FRMD4B: variants seen among roughly 807,000 people sequenced by gnomAD.
The protein encoded by FRMD4B is FERM domain-containing protein 4B.
A neutral mutation model predicts 141.5 loss-of-function variants in FRMD4B; 74 were observed. That is an observed-to-expected ratio of 0.52 (90% confidence interval 0.43 to 0.63). FRMD4B has a LOEUF of 0.63. Among genes scored for constraint, FRMD4B ranks in the 30% least tolerant of loss-of-function variants. The probability of loss-of-function intolerance (pLI) is 0.00; values close to 1 mark genes in which losing one functional copy is unlikely to be tolerated. For missense variants in FRMD4B, 1,366 were observed against 1,253.4 expected (o/e 1.09, Z -1.36); for synonymous variants, 506 against 467.9 (o/e 1.08, Z -1.05).
chr3:69,236,542 T>C (rs1173782700), intron 7 of FRMD4B, among the ~76,000 whole-genome samples: 1 of 152,170 alleles, frequency 6.6e-6, no homozygotes, highest in Non-Finnish European at 1.5e-5. Flanking sequence ...AATTTGGTTT[T>C]TGAAAAACAC....
chr3:69,238,607 A>C (rs1462194494), intron 7 of FRMD4B, among the ~76,000 whole-genome samples: 1 of 152,128 alleles, frequency 6.6e-6, no homozygotes, highest in Non-Finnish European at 1.5e-5. Flanking sequence ...AACACAGTGA[A>C]ATCTCATCTC....
chr3:69,255,768 A>G (rs749568219), intron 5 of FRMD4B, among the ~76,000 whole-genome samples: 6 of 152,128 alleles, frequency 3.9e-5, no homozygotes, highest in Admixed American at 6.6e-5. Flanking sequence ...GAATTAGACC[A>G]AAGGGAAGAA....
At chr3:69,287,681 C>G (rs1455324576) in intron 5 of FRMD4B, 71 bp downstream of exon 5, 1 of 783,934 alleles carries the variant, frequency 1.3e-6, no homozygotes, top group Admixed American at 2.2e-5. Flanking sequence ...AGAAGAGAGG[C>G]AAAACCATTT....
chr3:69,332,413 G>A (rs1702398968), intron 1 of FRMD4B, among the ~76,000 whole-genome samples: 1 of 152,174 alleles, frequency 6.6e-6, no homozygotes, highest in African/African-American at 2.4e-5. Flanking sequence ...GCCCAAAGAA[G>A]CAGCTACTCA....
intron 1 of FRMD4B, among the ~76,000 whole-genome samples, chr3:69,458,943 A>T (rs1705662898): frequency 1.3e-5 from 2 of 152,102 alleles, no homozygotes; most frequent in Non-Finnish European, 2.9e-5. Flanking sequence ...TGGTTTGAAG[A>T]ACACCTGCCT....
chr3:69,420,645 T>C (rs900512175), intron 2 of FRMD4B, among the ~76,000 whole-genome samples: 7 of 152,170 alleles, frequency 4.6e-5, no homozygotes, highest in Non-Finnish European at 1.0e-4. Flanking sequence ...TGTAAGGACT[T>C]TAGGCACCTG....
chr3:69,513,821 T>G (rs1040304430), intron 1 of FRMD4B, among the ~76,000 whole-genome samples: 1 of 151,994 alleles, frequency 6.6e-6, no homozygotes, highest in African/African-American at 2.4e-5. Flanking sequence ...ATCAACTCAA[T>G]CAATGCAGAA....
chr3:69,509,649 G>T (rs1706658155), intron 1 of FRMD4B, among the ~76,000 whole-genome samples: 1 of 151,974 alleles, frequency 6.6e-6, no homozygotes, highest in African/African-American at 2.4e-5. Flanking sequence ...ATCTACTGCT[G>T]GAAAATCTCA....
chr3:69,177,674 T>C (rs1343631352), intron 21 of FRMD4B, among the ~76,000 whole-genome samples: 5 of 152,042 alleles, frequency 3.3e-5, no homozygotes, highest in African/African-American at 9.7e-5. Flanking sequence ...TAATAACACA[T>C]AAATAATTTT....
chr3:69,461,984 C>G (rs976817973), intron 1 of FRMD4B, among the ~76,000 whole-genome samples: 1 of 152,148 alleles, frequency 6.6e-6, no homozygotes, highest in Admixed American at 6.6e-5. Context: ...TGGGGGCCTT[C>G]TCTATATTAT....
chr3:69,182,378 G>A (rs2092717097), intron 20 of FRMD4B, among the ~76,000 whole-genome samples: 1 of 152,038 alleles, frequency 6.6e-6, no homozygotes, highest in Admixed American at 6.6e-5. Context: ...ATGTGACTGG[G>A]GAAATTAAGG....
chr3:69,376,073 T>C (rs559722006), intron 1 of FRMD4B, among the ~76,000 whole-genome samples: 11 of 152,244 alleles, frequency 7.2e-5, no homozygotes, highest in East Asian at 1.9e-4. Flanking sequence ...TGCATACATA[T>C]ATAAATTTTA....
At position 69,356,150 on chromosome 3, in the gene FRMD4B, C is replaced by T. The variant is rs76447375; in HGVS notation, c.162+29678G>A. 8.5e-5 allele frequency among the ~76,000 whole-genome samples: 13 copies of T among 152,292 alleles called. No homozygotes were observed. The East Asian group carries it at 2.5e-3, about 30-fold the overall frequency. The stretch of plus-strand genomic sequence containing the variant: ...AAGAAGATGAATATGTGATTCAAGA[C>T]TGACCAATAAAATCACTCTACCCCC... On this transcript the variant is annotated intron_variant, in intron 1 of 22. Coordinates refer to ENST00000398540, the MANE Select transcript of FRMD4B (RefSeq NM_015123.3).
At position 69,212,032 on chromosome 3, in the gene FRMD4B, C is replaced by CA. The variant is rs113582561; in HGVS notation, c.876+4230dup. On this transcript the variant is annotated intron_variant, in intron 11 of 22. Transcript: ENST00000398540. ...ACAATGGCACAGAGTAGACACCCCC[C>CA]AAAAAAAAAAACGGAGAAAGAGAAG... 5.3e-3 allele frequency among the ~76,000 whole-genome samples: 751 copies of CA among 142,066 alleles called. 3 individuals are homozygous for CA. The highest frequency in any genetic ancestry group is 7.2e-3 in the African/African-American group (282 of 39,038). The allele number at this position is 142,066 out of a possible 152,430, so 93.2% of individuals were successfully genotyped here.
At chr3:69,416,927 AC>A (rs1290503599) in intron 2 of FRMD4B, among the ~76,000 whole-genome samples, 2 of 152,194 alleles carry the variant, frequency 1.3e-5, no homozygotes, top group Non-Finnish European at 2.9e-5. Flanking sequence ...TATATATGCC[AC>A]ATTTTCTTTA....
chr3:69,183,474 A>AT (rs771537044), intron 19 of FRMD4B, among the ~76,000 whole-genome samples: 2,753 of 113,260 alleles, frequency 0.024, 293 homozygotes, highest in African/African-American at 0.06. Context: ...TTAGAAGTTA[A>AT]TTTTTTTTTT....
At chr3:69,177,203 G>A (rs2092656174) in intron 21 of FRMD4B, among the ~76,000 whole-genome samples, 1 of 152,066 alleles carries the variant, frequency 6.6e-6, no homozygotes, top group Non-Finnish European at 1.5e-5. Context: ...GCTGGGCATG[G>A]TGGCGCATGC....
chr3:69,511,263 A>G (rs1048691322), intron 1 of FRMD4B, among the ~76,000 whole-genome samples: 8 of 151,984 alleles, frequency 5.3e-5, no homozygotes, highest in East Asian at 1.9e-4. Context: ...CTTTAAAACC[A>G]TGTTGGATAA....
intron 1 of FRMD4B, among the ~76,000 whole-genome samples, chr3:69,481,178 C>T (rs948804282): frequency 6.6e-6 from 1 of 152,162 alleles, no homozygotes; most frequent in African/African-American, 2.4e-5. Flanking sequence ...GAGGTAATGC[C>T]TCGCCCTGCT....
Sources: gnomAD v4.1 joint callset for allele counts (sites outside exome capture counted in the v4.1 genomes callset) on GRCh38, gnomAD v4.1.1 for gene constraint, MANE v1.5 for transcripts, NCBI Gene and HGNC (gene_info 2026-07-23, HGNC 2026-07-21) for gene names.